SP110: variants seen among roughly 807,000 people sequenced by gnomAD.
SP110 encodes SP110 nuclear body protein.
In SP110, 62 loss-of-function variants were observed where a neutral mutation model predicts 92.7. The observed-to-expected ratio is 0.67, with a 90% CI of 0.55 to 0.83. The LOEUF (loss-of-function observed/expected upper bound fraction) is 0.83. Ranked by LOEUF, SP110 falls within the 40% of genes least tolerant of loss-of-function variation. SP110 has a pLI of 0.00. For synonymous variants in SP110, 273 were observed against 305.3 expected, an observed-to-expected ratio of 0.89 and a Z score of 1.10; for missense variants, 793 against 863.9, an observed-to-expected ratio of 0.92 and a Z score of 1.03.
rs1331247059 is a variant in SP110, at chr2:230,212,970, G to T, written c.374C>A (p.Thr125Asn). The part of the protein sequence containing the change: ...RDTPILLEAP[T>N]GLAEGSSLHT... ...GAGGGAGCTTCCTTCTGCTAGGCCA[G>T]TTGGGGCTTCAAGTAGGATTGGTGT... is the stretch of plus-strand genomic sequence containing the variant. The change falls in exon 4 of 19, where the codon ACT (threonine) becomes AAT (asparagine). Residue 125 changes from threonine to asparagine, a missense_variant. Thr to Asn is a moderately conservative substitution (Grantham distance 65, BLOSUM62 0). Coordinates refer to ENST00000258381, the MANE Select transcript of SP110 (RefSeq NM_080424.4). The T allele has an allele frequency of 6.2e-7, 1 of 1,614,112 alleles. No homozygotes were observed. Among genetic ancestry groups the T allele is most frequent in the Non-Finnish European group, 8.5e-7 (1 of 1,179,998 alleles).
intron 1 of SP110, among the ~76,000 whole-genome samples, chr2:230,218,348 C>T (rs1211623873): frequency 6.6e-6 from 1 of 152,064 alleles, no homozygotes; most frequent in East Asian, 1.9e-4. Context: ...GAAAAAAATA[C>T]TCATGAAAAG....
At chr2:230,207,784 T>A (rs1458978090) in intron 8 of SP110, among the ~76,000 whole-genome samples, 1 of 152,196 alleles carries the variant, frequency 6.6e-6, no homozygotes, top group East Asian at 1.9e-4. Flanking sequence ...TGCCCCAAAA[T>A]GGCTGCCCTG....
rs1188198226 is a variant in SP110 at position 230,216,911 on chromosome 2, C to T, written c.17G>A (p.Arg6Lys). 3.7e-6 allele frequency: 6 copies of T among 1,613,692 alleles called. No individual in the cohort carries two copies. The South Asian group carries it at 4.4e-5, about 12-fold the overall frequency. ...CTGAAAAAGAGCCTCTTCCATGGCTCTTGTCATGGTGAACATCCTATGGAA... is the reference window on the plus strand; with the variant it reads ...CTGAAAAAGAGCCTCTTCCATGGCTTTTGTCATGGTGAACATCCTATGGAA... MFTMTRAMEEALFQHF... is the reference protein window; with the variant it reads MFTMTKAMEEALFQHF... Residue 6 changes from arginine (R) to lysine (K), a missense_variant, in exon 2 of 19, where the codon AGA becomes AAA. Coordinates refer to ENST00000258381, the MANE Select transcript of SP110 (RefSeq NM_080424.4).
At chr2:230,200,434 A>T in intron 10 of SP110, 2 of 189,350 alleles carry the variant, frequency 1.1e-5, no homozygotes, top group East Asian at 2.8e-4. Flanking sequence ...TGTTTTAATG[A>T]GTTTTTCGCT....
chr2:230,173,377 C>T lies in SP110; in HGVS notation c.1591-418G>A, dbSNP rs557391531. 4 of 253,042 alleles carry T rather than the reference C, an allele frequency of 1.6e-5. No homozygotes were observed. In the East Asian group the frequency reaches 2.7e-4, roughly 17 times the overall value. The allele number at this position is 253,042 out of a possible 1,614,324, so 15.7% of individuals were successfully genotyped here. A position where few individuals can be genotyped will look rare whatever the true frequency, so the allele number is the denominator to read the frequency against. On this transcript the variant is annotated intron_variant, in intron 14 of 18. Transcript: ENST00000258381. ...GTGCAGGAGTATGGGAACTGTTGTTCCTGGTGCCTTGCCTAACTGCCCCAT... is the reference window on the plus strand; with the variant it reads ...GTGCAGGAGTATGGGAACTGTTGTTTCTGGTGCCTTGCCTAACTGCCCCAT...
intron 10 of SP110, among the ~76,000 whole-genome samples, chr2:230,187,036 T>G (rs1007255492): frequency 2.6e-5 from 4 of 152,214 alleles, no homozygotes; most frequent in African/African-American, 9.7e-5. Context: ...GGTTGCTGGA[T>G]GGAATGGTAG....
In SP110 at chr2:230,180,240, A is replaced by G. The variant is rs575190882; in HGVS notation, c.1349-1985T>C. Among the ~76,000 whole-genome samples, 3 of 152,298 alleles carry G rather than the reference A, an allele frequency of 2.0e-5. No homozygotes were observed. The South Asian group carries it at 6.2e-4, about 32-fold the overall frequency. On this transcript the variant is annotated intron_variant, in intron 12 of 18. Coordinates refer to ENST00000258381, the MANE Select transcript of SP110 (RefSeq NM_080424.4). ...GCAAGGTGGAGAAAACTAAGAAGAA[A>G]AGCCTAATCGAGATGAGGAATAGCG...
At chr2:230,188,400 A>G (rs2148767208) in intron 10 of SP110, among the ~76,000 whole-genome samples, 1 of 152,204 alleles carries the variant, frequency 6.6e-6, no homozygotes, top group South Asian at 2.1e-4. Flanking sequence ...AGGAGTCTTT[A>G]GGGTTTTCTA....
At chr2:230,169,528 G>A (rs2078377811) in intron 18 of SP110, among the ~76,000 whole-genome samples, 2 of 152,100 alleles carry the variant, frequency 1.3e-5, no homozygotes, top group Admixed American at 1.3e-4. Context: ...TTGCTATGTT[G>A]CTCAGGCTGG....
chr2:230,193,307 T>G (rs2042719607), intron 10 of SP110, among the ~76,000 whole-genome samples: 1 of 152,230 alleles, frequency 6.6e-6, no homozygotes, highest in African/African-American at 2.4e-5. Flanking sequence ...GTATCCATTC[T>G]GCCAATCTGT....
rs147519012 is a variant in SP110, at chr2:230,178,191, C to T, written c.1413G>A (p.Ala471=). ...TTTTCTTCTTATATAAAATCCCTTTCGCCTCACCACAGGTCACGGGGAGCT... is the reference window on the plus strand; with the variant it reads ...TTTTCTTCTTATATAAAATCCCTTTTGCCTCACCACAGGTCACGGGGAGCT... ...CSKLPVTCGE[A]KGILYKKKMK... The change falls in exon 13 of 19, where the codon GCG becomes GCA. Residue 471 remains alanine, a synonymous_variant. Coordinates refer to ENST00000258381, the MANE Select transcript of SP110 (RefSeq NM_080424.4). 1.6e-4 allele frequency: 259 copies of T among 1,612,982 alleles called. No individual in the cohort carries two copies. In the African/African-American group the frequency reaches 2.3e-3, roughly 14 times the overall value.
At chr2:230,203,459 T>G (rs1202033533) in intron 8 of SP110, 2 of 152,452 alleles carry the variant, frequency 1.3e-5, no homozygotes, top group Non-Finnish European at 2.9e-5. Flanking sequence ...GCAGGCCACT[T>G]CCGGAGGAAA....
chr2:230,214,822 A>G, intron 3 of SP110, 128 bp downstream of exon 3: 1 of 772,096 alleles, frequency 1.3e-6, no homozygotes, highest in Non-Finnish European at 2.3e-6. Flanking sequence ...CAATGAGAGA[A>G]TATGGTCCAT....
chr2:230,206,597 A>T (rs56180510), intron 8 of SP110, among the ~76,000 whole-genome samples: 730 of 29,406 alleles, frequency 0.025, 10 homozygotes, highest in Non-Finnish European at 0.036. Context: ...TCCAGATTTT[A>T]TATATATATA....
At position 230,168,302 on chromosome 2, in the gene SP110, A is replaced by C. The variant is rs1286114194; in HGVS notation, c.*822T>G. The C allele has an allele frequency of 6.6e-6, 1 of 152,116 alleles. No homozygotes were observed. Among genetic ancestry groups the C allele is most frequent in the Non-Finnish European group, 1.5e-5 (1 of 68,024 alleles). 9.4% of individuals were successfully genotyped at this position (152,116 alleles called of 1,614,324 possible). A position where few individuals can be genotyped will look rare whatever the true frequency, so the allele number is the denominator to read the frequency against. On this transcript the variant is annotated 3_prime_UTR_variant, in exon 19 of 19. Coordinates refer to ENST00000258381, the MANE Select transcript of SP110 (RefSeq NM_080424.4). ...TTATTTTGAACATTGCTAAATAAAAAAACAAGCATTTATCCTATTTTTTGT... is the reference window on the plus strand; with the variant it reads ...TTATTTTGAACATTGCTAAATAAAACAACAAGCATTTATCCTATTTTTTGT...
chr2:230,216,787 C>T lies in SP110; in HGVS notation c.141G>A (p.Met47Ile). 1 of 1,613,936 alleles carries T rather than the reference C, an allele frequency of 6.2e-7. No individual in the cohort carries two copies. The highest frequency in any genetic ancestry group is 8.5e-7 in the Non-Finnish European group (1 of 1,179,924). Residue 47 changes from methionine (M) to isoleucine (I), a missense_variant, in exon 2 of 19, where the codon ATG becomes ATA. Coordinates refer to ENST00000258381, the MANE Select transcript of SP110 (RefSeq NM_080424.4). ...AGGGTTCAACATGACTCACCATGTACATTCTCTTAGTGATGATGGAGTTGT... is the reference window on the plus strand; with the variant it reads ...AGGGTTCAACATGACTCACCATGTATATTCTCTTAGTGATGATGGAGTTGT... ...LLDNSIITKR[M>I]YMESLEACRN...
chr2:230,214,677 T>C (rs972517100), intron 3 of SP110, among the ~76,000 whole-genome samples: 4 of 152,228 alleles, frequency 2.6e-5, no homozygotes, highest in African/African-American at 9.6e-5. Context: ...GCATTCCCTA[T>C]AGATTTTCCA....
chr2:230,209,468 A>G (rs2044231661), intron 7 of SP110, among the ~76,000 whole-genome samples: 1 of 152,192 alleles, frequency 6.6e-6, no homozygotes, highest in Non-Finnish European at 1.5e-5. Flanking sequence ...TGAATGGTTA[A>G]GACTCAAAGG....
At chr2:230,208,083 A>T (rs201357270) in intron 7 of SP110, 24 bp from the exon 8 acceptor site, 42 of 1,300,584 alleles carry the variant, frequency 3.2e-5, no homozygotes, top group Non-Finnish European at 4.7e-5. Context: ...ATAATGTTTT[A>T]TAGTTACAAA....
Sources: allele counts gnomAD v4.1 joint callset (sites outside exome capture counted in the v4.1 genomes callset), GRCh38; gene constraint gnomAD v4.1.1; transcripts MANE v1.5; gene names NCBI Gene and HGNC (gene_info 2026-07-23, HGNC 2026-07-21).